PLCH1: variants seen among roughly 807,000 people sequenced by gnomAD.
PLCH1 encodes 1-phosphatidylinositol 4,5-bisphosphate phosphodiesterase eta-1.
Under a neutral mutation model 126.7 loss-of-function variants are expected in PLCH1, and 60 were observed. The ratio of observed to expected loss-of-function variants is 0.47; its 90% confidence interval spans 0.38 to 0.59. The LOEUF (loss-of-function observed/expected upper bound fraction) is 0.59, where lower values mean the gene tolerates loss of function less well. Among genes scored for constraint, PLCH1 ranks in the 20% least tolerant of loss-of-function variants. The pLI, the probability that PLCH1 is intolerant of heterozygous loss-of-function variation, is 0.00. For missense variants in PLCH1, 1,723 were observed against 2,040.0 expected, an observed-to-expected ratio of 0.84 and a Z score of 2.99; for synonymous variants, 719 against 734.9, an observed-to-expected ratio of 0.98 and a Z score of 0.35.
chr3:155,682,314 C>T (rs1290622205), intron 2 of PLCH1, among the ~76,000 whole-genome samples: 2 of 152,116 alleles, frequency 1.3e-5, no homozygotes, highest in Non-Finnish European at 2.9e-5. Context: ...GAGGAAATTG[C>T]TATTATATGA....
intron 2 of PLCH1, among the ~76,000 whole-genome samples, chr3:155,669,607 C>A (rs1052559427): frequency 2.0e-5 from 3 of 151,912 alleles, no homozygotes; most frequent in Non-Finnish European, 4.4e-5. Context: ...AATTTTCTGG[C>A]CTTTTCATTT....
intron 2 of PLCH1, among the ~76,000 whole-genome samples, chr3:155,689,204 T>C (rs1745187263): frequency 6.6e-6 from 1 of 152,166 alleles, no homozygotes; most frequent in African/African-American, 2.4e-5. Flanking sequence ...AGATCTTATC[T>C]AAGACCACCA....
At chr3:155,656,982 A>C (rs1478833466) in intron 2 of PLCH1, among the ~76,000 whole-genome samples, 2 of 151,954 alleles carry the variant, frequency 1.3e-5, no homozygotes, top group Non-Finnish European at 2.9e-5. Flanking sequence ...CCTGCATGCA[A>C]TAACACAGTA....
At chr3:155,492,602 T>A (rs918925443) in intron 18 of PLCH1, 127 bp downstream of exon 18, 5 of 737,196 alleles carry the variant, frequency 6.8e-6, no homozygotes, top group Middle Eastern at 4.2e-4. Flanking sequence ...AGTTAATGTC[T>A]GATAAGCTGA....
chr3:155,542,834 G>C (rs1012327978), intron 10 of PLCH1, among the ~76,000 whole-genome samples: 1 of 152,126 alleles, frequency 6.6e-6, no homozygotes, highest in Non-Finnish European at 1.5e-5. Flanking sequence ...GGTCCTGTCT[G>C]TTAGAAGGAA....
intron 2 of PLCH1, chr3:155,676,386 G>A (rs919726598): frequency 6.8e-6 from 7 of 1,028,074 alleles, no homozygotes; most frequent in South Asian, 9.1e-5. Flanking sequence ...TGCATGCTTC[G>A]TGCAGCGCGT....
chr3:155,462,717 T>G (rs1367791351), intron 21 of PLCH1, among the ~76,000 whole-genome samples: 1 of 152,174 alleles, frequency 6.6e-6, no homozygotes, highest in African/African-American at 2.4e-5. Flanking sequence ...GTTTGCATTG[T>G]TTCAGCTACT....
intron 8 of PLCH1, 24 bp downstream of exon 8, chr3:155,564,891 G>C (rs375024239): frequency 6.5e-7 from 1 of 1,536,408 alleles, no homozygotes; most frequent in Non-Finnish European, 9.0e-7. Context: ...CATACACACC[G>C]GAGCTCAGAA....
chr3:155,585,647 A>T (rs142133888), intron 5 of PLCH1, among the ~76,000 whole-genome samples: 1 of 152,272 alleles, frequency 6.6e-6, no homozygotes, highest in South Asian at 2.1e-4. Flanking sequence ...CCTAATCCTC[A>T]TGGATACTAA....
At chr3:155,702,933 C>G (rs1472485816) in intron 2 of PLCH1, among the ~76,000 whole-genome samples, 1 of 152,178 alleles carries the variant, frequency 6.6e-6, no homozygotes, top group African/African-American at 2.4e-5. Context: ...TCGCCATTCC[C>G]ACGCCTCCTC....
intron 10 of PLCH1, among the ~76,000 whole-genome samples, chr3:155,542,321 C>T (rs1405467884): frequency 3.3e-5 from 5 of 152,280 alleles, no homozygotes; most frequent in East Asian, 1.9e-4. Context: ...AAGGCAGCAG[C>T]GAGGCTGGGG....
intron 2 of PLCH1, among the ~76,000 whole-genome samples, chr3:155,621,668 G>A (rs993594359): frequency 1.3e-5 from 2 of 152,182 alleles, no homozygotes; most frequent in Non-Finnish European, 2.9e-5. Flanking sequence ...ATCAGAGATT[G>A]AAGATCAACT....
intron 8 of PLCH1, among the ~76,000 whole-genome samples, chr3:155,564,644 A>G (rs748942137): frequency 5.4e-4 from 83 of 152,302 alleles, no homozygotes; most frequent in African/African-American, 1.9e-3. Flanking sequence ...ATAATTAAAA[A>G]TATCTTTCTA....
intron 2 of PLCH1, chr3:155,676,229 G>A (rs1744073923): frequency 8.0e-7 from 1 of 1,247,102 alleles, no homozygotes; most frequent in African/African-American, 1.5e-5. Flanking sequence ...AGGCTTTATA[G>A]TGTGGAGAAA....
intron 12 of PLCH1, among the ~76,000 whole-genome samples, chr3:155,505,676 T>G (rs1161562092): frequency 6.6e-6 from 1 of 152,092 alleles, no homozygotes; most frequent in Admixed American, 6.6e-5. Context: ...GGTGAGGGGT[T>G]TACAAGGTGA....
intron 10 of PLCH1, among the ~76,000 whole-genome samples, chr3:155,538,910 T>G (rs1723822686): frequency 6.7e-6 from 1 of 149,740 alleles, no homozygotes; most frequent in Admixed American, 6.7e-5. Context: ...ATGAAGCCAG[T>G]ATCACCCTAA....
rs550524677 is a variant in PLCH1 at position 155,695,055 on chromosome 3, G to A, written c.79+9091C>T. On this transcript the variant is annotated intron_variant, in intron 2 of 22. Coordinates refer to ENST00000460012, the MANE Select transcript of PLCH1 (RefSeq NM_014996.4). Reference sequence around the variant, plus strand: ...CTGGACTGGAGATTTTCAGACACAAGCAGCAGAGAATTTTAATAGTATGCA... The same window carrying A: ...CTGGACTGGAGATTTTCAGACACAAACAGCAGAGAATTTTAATAGTATGCA... Among the ~76,000 whole-genome samples the A allele has an allele frequency of 2.0e-5, 3 of 149,636 alleles. No homozygotes were observed. The East Asian group carries it at 6.0e-4, about 30-fold the overall frequency.
At chr3:155,608,041 G>A (rs139031376) in intron 2 of PLCH1, among the ~76,000 whole-genome samples, 97 of 152,226 alleles carry the variant, frequency 6.4e-4, no homozygotes, top group African/African-American at 2.2e-3. Context: ...GTTCCCCTGG[G>A]GAACCTGAAA....
intron 11 of PLCH1, among the ~76,000 whole-genome samples, chr3:155,517,275 C>T (rs1720467318): frequency 6.6e-6 from 1 of 152,102 alleles, no homozygotes; most frequent in Non-Finnish European, 1.5e-5. Context: ...CCACATCACT[C>T]CAGCCTGAGC....
Sources: allele counts gnomAD v4.1 joint callset (sites outside exome capture counted in the v4.1 genomes callset), GRCh38; gene constraint gnomAD v4.1.1; transcripts MANE v1.5; gene names NCBI Gene and HGNC (gene_info 2026-07-23, HGNC 2026-07-21).